HGS: variants seen among roughly 807,000 people sequenced by gnomAD.
HGS encodes the protein hepatocyte growth factor-regulated tyrosine kinase substrate, also known as human growth factor-regulated tyrosine kinase substrate.
Under a neutral mutation model 109.7 loss-of-function variants are expected in HGS, and 63 were observed. The ratio of observed to expected loss-of-function variants is 0.57; its 90% CI spans 0.47 to 0.71. HGS has a LOEUF of 0.71. HGS is among the 30% of genes least tolerant of loss of function. The probability of loss-of-function intolerance (pLI) is 0.00; values close to 1 mark genes in which losing one functional copy is unlikely to be tolerated. For missense variants in HGS, 995 were observed against 1,068.3 expected (o/e 0.93, Z 0.96); for synonymous variants, 546 against 437.3 (o/e 1.25, Z -3.10).
intron 4 of HGS, 80 bp from the exon 5 acceptor site, chr17:81,688,624 T>C: frequency 1.3e-6 from 2 of 1,561,364 alleles, no homozygotes; most frequent in African/African-American, 1.4e-5. Flanking sequence ...GAGGCTGAGG[T>C]CTGCCAGCTG....
At position 81,701,653 on chromosome 17, in the gene HGS, T is replaced by C; in HGVS notation, c.*35T>C. ...TGCTCACGTCCGGAGTAACACTACA[T>C]ACAGTTCACCTGAAACGCCTCGTCT... On this transcript the variant is annotated 3_prime_UTR_variant, in exon 22 of 22. Coordinates refer to ENST00000329138, the MANE Select transcript of HGS (RefSeq NM_004712.5). 5 of 1,526,052 alleles carry C rather than the reference T, an allele frequency of 3.3e-6. No homozygotes were observed. The highest frequency in any genetic ancestry group is 3.5e-6 in the Non-Finnish European group (4 of 1,137,840). 94.5% of individuals were successfully genotyped at this position (1,526,052 alleles called of 1,614,324 possible). A position where few individuals can be genotyped will look rare whatever the true frequency, so the allele number is the denominator to read the frequency against.
Position 81,691,691 on chromosome 17 carries a change from A to C in HGS, c.662+120A>C, listed in dbSNP as rs895861462. ...CCCCAGAGGACCCTCACAGCACAGC[A>C]GCTGGAAGGTCAAGGGAAACCCAGG... On this transcript the variant is annotated intron_variant, in intron 8 of 21. Transcript: ENST00000329138. This position sits in a 1 kb window ranked among gnomAD's most constrained non-coding sequence, Gnocchi z 5.3. 6.7e-6 allele frequency: 9 copies of C among 1,335,678 alleles called. No homozygotes were observed. Among genetic ancestry groups the C allele is most frequent in the Non-Finnish European group, 9.4e-6 (9 of 955,654 alleles). 82.7% of individuals were successfully genotyped at this position (1,335,678 alleles called of 1,614,324 possible). A position where few individuals can be genotyped will look rare whatever the true frequency, so the allele number is the denominator to read the frequency against.
intron 11 of HGS, 100 bp from the exon 12 acceptor site, chr17:81,694,715 G>A (rs887227406): frequency 3.7e-5 from 53 of 1,440,132 alleles, no homozygotes; most frequent in South Asian, 4.6e-5. Context: ...CCCAGGCTGC[G>A]GCTCTGGTCT....
In HGS at chr17:81,688,696, G is replaced by T; in HGVS notation, c.292-8G>T. ...CTGCGACCCTCACCCCCTTCTCCCT[G>T]CCTGCAGAGACAAGTGGAGGTAAAC... On this transcript the variant is annotated splice_region_variant and splice_polypyrimidine_tract_variant and intron_variant, in intron 4 of 21. Transcript: ENST00000329138. The T allele has an allele frequency of 6.2e-7, 1 of 1,613,460 alleles. No individual in the cohort carries two copies. The highest frequency in any genetic ancestry group is 8.5e-7 in the Non-Finnish European group (1 of 1,179,766).
chr17:81,690,076 G>A, intron 5 of HGS, 106 bp from the exon 6 acceptor site: 1 of 1,248,602 alleles, frequency 8.0e-7, no homozygotes, highest in South Asian at 1.4e-5. Flanking sequence ...CTTCACTTGG[G>A]TGCACGGTCA....
At position 81,695,191 on chromosome 17, in the gene HGS, C is replaced by G. The variant is rs377743416; in HGVS notation, c.1147C>G (p.Pro383Ala). ...ENPLPETDSQ[P>A]IPPSGGPFSE... ...CCCCCTCCCGGAGACAGACTCTCAG[C>G]CCATTCCTCCCTCTGGTGGCCCCTT... Residue 383 changes from proline (P) to alanine (A), a missense_variant, in exon 14 of 22, where the codon CCC (proline) becomes GCC (alanine). Physicochemically the swap from Pro to Ala is conservative, Grantham distance 27. Coordinates refer to ENST00000329138, the MANE Select transcript of HGS (RefSeq NM_004712.5). 8.7e-6 allele frequency: 14 copies of G among 1,614,226 alleles called. No individual in the cohort carries two copies. In the South Asian group the frequency reaches 1.2e-4, roughly 14 times the overall value.
At chr17:81,688,170 C>T (rs926873831) in intron 4 of HGS, among the ~76,000 whole-genome samples, 10 of 151,578 alleles carry the variant, frequency 6.6e-5, no homozygotes, top group African/African-American at 2.4e-4. Context: ...GACGGCGTCC[C>T]CGAGAGGGCC....
chr17:81,691,509 C>T lies in HGS; in HGVS notation c.600C>T (p.Ile200=), dbSNP rs143484592. ...CGKCSSKYST[I]PKFGIEKEVR... ...AGTGTTCTTCCAAGTACTCCACCAT[C>T]CCCAAGTTTGGCATCGAGAAGGAGG... Residue 200 remains isoleucine, a synonymous_variant, in exon 8 of 22, where the codon ATC becomes ATT. Coordinates refer to ENST00000329138, the MANE Select transcript of HGS (RefSeq NM_004712.5). The surrounding 1 kb of genome is among the most constrained non-coding windows in gnomAD (Gnocchi z 5.3). 2.6e-5 allele frequency: 42 copies of T among 1,614,056 alleles called. No homozygotes were observed. In the African/African-American group the frequency reaches 5.6e-4, roughly 22 times the overall value.
rs941621894 is a variant in HGS at position 81,693,741 on chromosome 17, A to G, written c.829A>G (p.Lys277Glu). 5.8e-6 allele frequency: 9 copies of G among 1,553,302 alleles called. No individual in the cohort carries two copies. Among genetic ancestry groups the G allele is most frequent in the Middle Eastern group, 1.8e-4 (1 of 5,702 alleles). Residue 277 changes from lysine to glutamate, a missense_variant, in exon 10 of 22, where the codon AAG becomes GAG. Lys to Glu is a moderately conservative substitution (Grantham distance 56, BLOSUM62 1). Transcript: ENST00000329138. ...GCTGTCACAGTCAGAGGCGGAGGAG[A>G]AGGAGAGGCTGGTAAGCCGGGTGGG... is the stretch of plus-strand genomic sequence containing the variant. ...LALSQSEAEE[K>E]ERLRQKSTYT...
rs8080080 is a variant in HGS at position 81,690,541 on chromosome 17, C to T, written c.469-133C>T. 2,035 of 853,212 alleles carry T rather than the reference C, an allele frequency of 2.4e-3. 23 individuals carry two copies. The African/African-American group carries it at 0.029, about 12-fold the overall frequency. 52.9% of individuals were successfully genotyped at this position (853,212 alleles called of 1,614,324 possible). A position where few individuals can be genotyped will look rare whatever the true frequency, so the allele number is the denominator to read the frequency against. On this transcript the variant is annotated intron_variant, in intron 6 of 21. Transcript: ENST00000329138. ...CCCAGGCCACGCCGCTGGGAAGGGC[C>T]GCCCGGGGCATTGCTCTCGCTCGTG...
Position 81,684,041 on chromosome 17 carries a change from G to A in HGS, c.-26G>A. The A allele has an allele frequency of 3.8e-6, 6 of 1,586,204 alleles. No individual in the cohort carries two copies. Among genetic ancestry groups the A allele is most frequent in the African/African-American group, 1.3e-5 (1 of 74,626 alleles). ...AGCTCGTAGCAGGGGAGCGCCCGCG[G>A]CGTCGGGTTTGGGCTGGAGGTCGCC... On this transcript the variant is annotated 5_prime_UTR_variant, in exon 1 of 22. Coordinates refer to ENST00000329138, the MANE Select transcript of HGS (RefSeq NM_004712.5).
intron 6 of HGS, 97 bp downstream of exon 6, chr17:81,690,331 G>C (rs930006302): frequency 3.9e-6 from 5 of 1,275,164 alleles, no homozygotes; most frequent in Non-Finnish European, 5.7e-6. Flanking sequence ...GTTGGTGGCT[G>C]AGCTCTCGTC....
At chr17:81,698,554 A>G (rs1336624541) in intron 18 of HGS, among the ~76,000 whole-genome samples, 2 of 152,068 alleles carry the variant, frequency 1.3e-5, no homozygotes, top group East Asian at 1.9e-4. Context: ...CTCGTCTTGT[A>G]TGTTCTCAAC....
At chr17:81,690,861 C>T in intron 7 of HGS, 119 bp downstream of exon 7, 3 of 813,156 alleles carry the variant, frequency 3.7e-6, no homozygotes, top group East Asian at 2.8e-5. Flanking sequence ...GAGGTGAGTG[C>T]AGCTCGCAGC....
chr17:81,684,568 C>A (rs571615544), intron 1 of HGS: 2 of 159,348 alleles, frequency 1.3e-5, no homozygotes, highest in African/African-American at 4.8e-5. Context: ...GGCTGCGGGT[C>A]CCAGACCCAC....
At chr17:81,698,131 CTACTA>C (rs1018494817) in intron 18 of HGS, 3 of 152,196 alleles carry the variant, frequency 2.0e-5, no homozygotes, top group Non-Finnish European at 2.9e-5. Flanking sequence ...GACCCTGTCT[CTACTA>C]AACATACAAA....
rs376725264 is a variant in HGS, at chr17:81,689,010, C to T, written c.415+183C>T. On this transcript the variant is annotated intron_variant, in intron 5 of 21. Transcript: ENST00000329138. Reference sequence around the variant, plus strand: ...AGGGCGGGTTCAGACCGGCTCCTGCCTTTCTGGACCCACGGCCCACGGGCA... The same window carrying T: ...AGGGCGGGTTCAGACCGGCTCCTGCTTTTCTGGACCCACGGCCCACGGGCA... 3.9e-4 allele frequency among the ~76,000 whole-genome samples: 60 copies of T among 152,360 alleles called. No homozygotes were observed. The East Asian group carries it at 0.01, about 25-fold the overall frequency.
intron 5 of HGS, among the ~76,000 whole-genome samples, chr17:81,689,493 C>G (rs1017196732): frequency 7.9e-5 from 12 of 152,074 alleles, no homozygotes; most frequent in African/African-American, 2.7e-4. Context: ...GGAGTCTTGG[C>G]TGGTGCTCAG....
rs772453289 is a variant in HGS at position 81,693,949 on chromosome 17, T to C, written c.920T>C (p.Leu307Pro). 1 of 1,610,880 alleles carries C rather than the reference T, an allele frequency of 6.2e-7. No individual in the cohort carries two copies. The highest frequency in any genetic ancestry group is 1.1e-5 in the South Asian group (1 of 91,004). The part of the protein sequence containing the change: ...SASSAPPASS[L>P]YSSPVNSSAP... Reference sequence around the variant, plus strand: ...TCCTCAGCGCCCCCCGCCAGCAGCCTGTACTCTTCACCTGTGGTGAGCGGC... The same window carrying C: ...TCCTCAGCGCCCCCCGCCAGCAGCCCGTACTCTTCACCTGTGGTGAGCGGC... The change falls in exon 11 of 22, where the codon CTG (leucine) becomes CCG (proline). Residue 307 changes from leucine (L) to proline (P), a missense_variant. By Grantham distance (98) the Leu-to-Pro change is moderately conservative. This residue lies in a region of HGS where 300 missense variants were observed against 235.4 expected (regional missense o/e 1.27). Coordinates refer to ENST00000329138, the MANE Select transcript of HGS (RefSeq NM_004712.5).
Sources: gnomAD v4.1 joint callset for allele counts (sites outside exome capture counted in the v4.1 genomes callset) on GRCh38, gnomAD v4.1.1 for gene constraint, gnomAD v4.1.1 regional missense constraint, Gnocchi (gnomAD v3.1) non-coding constraint, MANE v1.5 for transcripts, NCBI Gene and HGNC (gene_info 2026-07-23, HGNC 2026-07-21) for gene names.